The following IGFL2 variants were observed in gnomAD, a reference collection of about 807,000 sequenced individuals.
IGFL2 encodes IGF like family member 2.
A neutral mutation model predicts 13.9 loss-of-function variants in IGFL2; 7 were observed. That is an observed-to-expected ratio of 0.51 (90% CI 0.29 to 0.95). IGFL2 has a LOEUF of 0.95. Among genes scored for constraint, IGFL2 ranks in the 40% least tolerant of loss-of-function variants. IGFL2 has a pLI of 0.08. For missense variants in IGFL2, 138 were observed against 147.8 expected (o/e 0.93, Z 0.34); for synonymous variants, 55 against 55.8 (o/e 0.99, Z 0.07).
At chr19:46,153,839 A>ATATATATTTTTT (rs1198396702) in intron 1 of IGFL2, among the ~76,000 whole-genome samples, 3 of 139,366 alleles carry the variant, frequency 2.2e-5, no homozygotes, top group African/African-American at 8.1e-5. Context: ...ATATATATAT[A>ATATATATTTTTT]TTTTTTTTAC....
At chr19:46,166,164 C>T (rs558864358), downstream of IGFL2, among the ~76,000 whole-genome samples, 1 of 152,294 alleles carries the variant, frequency 6.6e-6, no homozygotes, top group East Asian at 1.9e-4. Context: ...AACAAGATAC[C>T]TATCGGGGGA....
At chr19:46,130,907 C>CT in the IGFL2 span, among the ~76,000 whole-genome samples, 1 of 152,086 alleles carries the variant, frequency 6.6e-6, no homozygotes, top group South Asian at 2.1e-4. Context: ...GTGGAGTCTT[C>CT]TTTTTTGAGA....
At chr19:46,184,419 A>G in the IGFL2 span, among the ~76,000 whole-genome samples, 3 of 151,324 alleles carry the variant, frequency 2.0e-5, no homozygotes, top group South Asian at 6.3e-4. Context: ...TCCCTCCCCC[A>G]GTCCCCCACC....
At chr19:46,186,213 A>G in the IGFL2 span, among the ~76,000 whole-genome samples, 1 of 152,150 alleles carries the variant, frequency 6.6e-6, no homozygotes, top group Non-Finnish European at 1.5e-5. Context: ...ACTCCGTCCA[A>G]GGGGCACCAG....
chr19:46,177,611 A>G, the IGFL2 span, among the ~76,000 whole-genome samples: 9 of 152,128 alleles, frequency 5.9e-5, no homozygotes, highest in Non-Finnish European at 1.3e-4. Context: ...AAGAGCCCCA[A>G]CATTTTAGGG....
At chr19:46,129,307 T>TG in the IGFL2 span, among the ~76,000 whole-genome samples, 1,161 of 137,022 alleles carry the variant, frequency 8.5e-3, 13 homozygotes, top group African/African-American at 0.029. Flanking sequence ...TGTTGATCTT[T>TG]TGTGTGTGTG....
chr19:46,157,319 C>T (rs147643267), intron 1 of IGFL2, among the ~76,000 whole-genome samples: 1 of 152,192 alleles, frequency 6.6e-6, no homozygotes, highest in East Asian at 1.9e-4. Context: ...CAAACAAGAA[C>T]AATGACAACA....
the IGFL2 span, chr19:46,204,142 C>A: frequency 6.6e-6 from 1 of 152,208 alleles, no homozygotes; most frequent in Non-Finnish European, 1.5e-5. Flanking sequence ...CCTTTCCGTG[C>A]TTGTTCCAGA....
chr19:46,137,553 C>A, the IGFL2 span: 1 of 1,018,460 alleles, frequency 9.8e-7, no homozygotes. Flanking sequence ...TCCATGGAAT[C>A]GTCATCCTCC....
chr19:46,081,247 A>C, the IGFL2 span, among the ~76,000 whole-genome samples: 2 of 152,210 alleles, frequency 1.3e-5, no homozygotes, highest in Admixed American at 1.3e-4. Flanking sequence ...TTGCGTTTTT[A>C]TATGTAACAT....
At chr19:46,117,715 G>A in the IGFL2 span, among the ~76,000 whole-genome samples, 1 of 152,066 alleles carries the variant, frequency 6.6e-6, no homozygotes, top group African/African-American at 2.4e-5. Context: ...TCTTGACCTC[G>A]TGATCCACCC....
upstream of IGFL2, among the ~76,000 whole-genome samples, chr19:46,138,153 GT>G (rs1207630733): frequency 6.6e-6 from 1 of 152,152 alleles, no homozygotes; most frequent in African/African-American, 2.4e-5. Flanking sequence ...GTGGGCTGAA[GT>G]TGCTTTAATC....
the IGFL2 span, among the ~76,000 whole-genome samples, chr19:46,192,557 C>T: frequency 6.6e-6 from 1 of 151,676 alleles, no homozygotes; most frequent in African/African-American, 2.4e-5. Flanking sequence ...GTAGCTGGGA[C>T]TACAGGTGCC....
chr19:46,143,901 G>A (rs960545455), upstream of IGFL2, among the ~76,000 whole-genome samples: 3 of 152,162 alleles, frequency 2.0e-5, no homozygotes, highest in African/African-American at 7.2e-5. Flanking sequence ...CGTGGCCTCT[G>A]TTATTTGTTG....
the IGFL2 span, among the ~76,000 whole-genome samples, chr19:46,117,054 A>G: frequency 6.6e-6 from 1 of 152,176 alleles, no homozygotes; most frequent in Non-Finnish European, 1.5e-5. Context: ...ATTTGATTCT[A>G]AAATGAAGCC....
the IGFL2 span, among the ~76,000 whole-genome samples, chr19:46,106,461 T>TG: frequency 6.6e-6 from 1 of 152,028 alleles, no homozygotes; most frequent in Non-Finnish European, 1.5e-5. Flanking sequence ...GACTGATGGG[T>TG]GTCAGGGTCA....
the IGFL2 span, among the ~76,000 whole-genome samples, chr19:46,101,781 G>C: frequency 1.3e-5 from 2 of 152,266 alleles, no homozygotes; most frequent in African/African-American, 2.4e-5. Context: ...AGACTGTGCA[G>C]CTCTGTGGTT....
At chr19:46,176,203 G>C in the IGFL2 span, among the ~76,000 whole-genome samples, 1 of 140,610 alleles carries the variant, frequency 7.1e-6, no homozygotes, top group South Asian at 2.2e-4. Context: ...AAAAAGAAAA[G>C]AAAACTGGAG....
upstream of IGFL2, among the ~76,000 whole-genome samples, chr19:46,147,355 C>T (rs948375126): frequency 6.6e-6 from 1 of 151,716 alleles, no homozygotes; most frequent in Non-Finnish European, 1.5e-5. Context: ...GCATGCTTGT[C>T]GGGGTCCCCT....
Sources: gnomAD v4.1 joint callset for allele counts (sites outside exome capture counted in the v4.1 genomes callset) on GRCh38, gnomAD v4.1.1 for gene constraint, MANE v1.5 for transcripts, NCBI Gene and HGNC (gene_info 2026-07-23, HGNC 2026-07-21) for gene names.